SPON2: variants seen among roughly 807,000 people sequenced by gnomAD.
The protein encoded by SPON2 is spondin 2.
In SPON2, 32 loss-of-function variants were observed where a neutral mutation model predicts 29.9. That is an observed-to-expected ratio of 1.07 (90% CI 0.81 to 1.44). The LOEUF is 1.44. SPON2 is among the 40% of genes most tolerant of loss of function. The pLI is 0.00. For synonymous variants in SPON2, 248 were observed against 209.1 expected (o/e 1.19, Z -1.61); for missense variants, 541 against 455.5 (o/e 1.19, Z -1.71).
rs1727428907 is a variant in SPON2, at chr4:1,171,195, G to C, written c.445-5C>G. On this transcript the variant is annotated splice_polypyrimidine_tract_variant and splice_region_variant and intron_variant, in intron 3 of 5. Coordinates refer to ENST00000290902, the MANE Select transcript of SPON2 (RefSeq NM_012445.4). Reference sequence around the variant, plus strand: ...GATGCGCACCACAAACGAGACCTGCGGCGACAGCGGCTCAGCGCGCCTGGC... The same window carrying C: ...GATGCGCACCACAAACGAGACCTGCCGCGACAGCGGCTCAGCGCGCCTGGC... 6.7e-7 allele frequency: 1 copy of C among 1,497,828 alleles called. No homozygotes were observed. Among genetic ancestry groups the C allele is most frequent in the Non-Finnish European group, 8.8e-7 (1 of 1,130,578 alleles). The allele number at this position is 1,497,828 out of a possible 1,614,324, so 92.8% of individuals were successfully genotyped here.
rs1246977163 is a variant in SPON2 at position 1,171,312 on chromosome 4, C to A, written c.395G>T (p.Gly132Val). ...CAGCTCCGCCGACGTCTGCCCGGTG[C>A]CGCTGGGGACGGCGGGCGCCGAAAA... ...AVFSAPAVPS[G>V]TGQTSAELEV... Residue 132 changes from glycine (G) to valine (V), a missense_variant, in exon 3 of 6, where the codon GGC becomes GTC. Physicochemically the swap from Gly to Val is moderately radical, Grantham distance 109. Coordinates refer to ENST00000290902, the MANE Select transcript of SPON2 (RefSeq NM_012445.4). 6.3e-7 allele frequency: 1 copy of A among 1,598,808 alleles called. No individual in the cohort carries two copies.
At chr4:1,170,650 G>A in intron 4 of SPON2, 74 bp from the exon 5 acceptor site, 2 of 1,504,870 alleles carry the variant, frequency 1.3e-6, no homozygotes, top group Non-Finnish European at 1.8e-6. Context: ...GCCTCACTGG[G>A]GCCACTGCCC....
At position 1,194,950 on chromosome 4, in the gene SPON2, T is replaced by TCCAACCC. The variant is rs1728017936; in HGVS notation, c.-239+39_-239+40insGGGTTGG. On this transcript the variant is annotated intron_variant, in intron 1 of 3. Transcript: ENST00000502483. ...AACCCCGCAGCCGGCGGCTCCAACC[T>TCCAACCC]CGCAGCCGGCGACTCCAACCCCGCA... 7.4e-4 allele frequency: 20 copies of TCCAACCC among 27,176 alleles called. 1 individual carries two copies. The highest frequency in any genetic ancestry group is 1.5e-3 in the Non-Finnish European group (19 of 12,622). 1.7% of individuals were successfully genotyped at this position (27,176 alleles called of 1,614,324 possible). A position where few individuals can be genotyped will look rare whatever the true frequency, so the allele number is the denominator to read the frequency against.
At chr4:1,183,151 G>A (rs570284412) in intron 1 of SPON2, among the ~76,000 whole-genome samples, 1 of 147,740 alleles carries the variant, frequency 6.8e-6, no homozygotes, top group African/African-American at 2.5e-5. Context: ...TGAGGCAGGA[G>A]AATCGCTTAG....
upstream of SPON2, among the ~76,000 whole-genome samples, chr4:1,198,727 T>C (rs1728128032): frequency 6.6e-6 from 1 of 152,134 alleles, no homozygotes; most frequent in African/African-American, 2.4e-5. Context: ...GGCAGCGCAG[T>C]CATCAGAGAC....
rs1456588327 is a variant in SPON2, at chr4:1,194,897, C to A, written c.-239+93G>T. ...CCGGCGGCTCCAACGCCACAGCCGGCGACTCCAACCCCGCAGCCGGCGGCT... is the reference window on the plus strand; with the variant it reads ...CCGGCGGCTCCAACGCCACAGCCGGAGACTCCAACCCCGCAGCCGGCGGCT... On this transcript the variant is annotated intron_variant, in intron 1 of 3. Coordinates refer to the SPON2 transcript ENST00000502483. 3 of 131,818 alleles carry A rather than the reference C, an allele frequency of 2.3e-5. 1 individual carries two copies. In the Admixed American group the frequency reaches 2.4e-4, roughly 10 times the overall value. The allele number at this position is 131,818 out of a possible 1,614,324, so 8.2% of individuals were successfully genotyped here. A position where few individuals can be genotyped will look rare whatever the true frequency, so the allele number is the denominator to read the frequency against.
chr4:1,186,028 A>G (rs1253941282), intron 1 of SPON2, among the ~76,000 whole-genome samples: 3 of 150,054 alleles, frequency 2.0e-5, no homozygotes, highest in Admixed American at 6.7e-5. Flanking sequence ...GCGGATCACG[A>G]GGTCAGGAGA....
intron 5 of SPON2, among the ~76,000 whole-genome samples, chr4:1,169,134 C>G (rs968100630): frequency 1.2e-4 from 18 of 152,024 alleles, no homozygotes; most frequent in Admixed American, 1.0e-3. Context: ...GACTTTATCC[C>G]TCTCCTAGCC....
chr4:1,185,708 C>CCAAAAAAAAAAAA (rs764779944), intron 1 of SPON2, among the ~76,000 whole-genome samples: 2 of 69,648 alleles, frequency 2.9e-5, no homozygotes. Context: ...ACTCCATCTC[C>CCAAAAAAAAAAAA]AAAAAAAAAA....
At chr4:1,201,406 T>C (rs2108680581) in intron 1 of SPON2, 1 of 309,964 alleles carries the variant, frequency 3.2e-6, no homozygotes, top group Non-Finnish European at 6.5e-6. Context: ...GTGTTTGTGA[T>C]CAGGGCATCT....
At chr4:1,198,654 G>T (rs547282992), upstream of SPON2, among the ~76,000 whole-genome samples, 151 of 152,076 alleles carry the variant, frequency 9.9e-4, no homozygotes, top group Non-Finnish European at 1.9e-3. Flanking sequence ...ACAGCAAATA[G>T]GACCCAACAC....
At chr4:1,172,150 G>A (rs1281814630) in intron 1 of SPON2, 76 bp from the exon 2 acceptor site, 3 of 1,305,296 alleles carry the variant, frequency 2.3e-6, no homozygotes, top group East Asian at 2.4e-5. Flanking sequence ...AGAGGGCTGC[G>A]GCACTTTGGG....
chr4:1,167,673 G>T lies in SPON2; in HGVS notation c.812-17C>A. The T allele has an allele frequency of 3.2e-6, 5 of 1,566,726 alleles. No individual in the cohort carries two copies. Among genetic ancestry groups the T allele is most frequent in the Non-Finnish European group, 3.5e-6 (4 of 1,153,722 alleles). On this transcript the variant is annotated splice_polypyrimidine_tract_variant and intron_variant, in intron 5 of 5. Coordinates refer to ENST00000290902, the MANE Select transcript of SPON2 (RefSeq NM_012445.4). ...TTTCTGGAACTGGACCAAGCAAAGG[G>T]GAGACCGAGGTGAACGCTCGCGTGA...
rs150653050 is a variant in SPON2 at position 1,171,853 on chromosome 4, C to G, written c.219G>C (p.Leu73=). The change falls in exon 2 of 6, where the codon CTG becomes CTC. Residue 73 remains leucine (L), a splice_region_variant and synonymous_variant. Transcript: ENST00000290902. ...AGGCGAGGAGGGGGCTGTACTTACC[C>G]AGCAGCGAAGACCACTGCGCAGGGG... ...FRPPAQWSSL[L]GAAHSSDYSM... is the part of the protein sequence containing the mutation. 1 of 1,610,460 alleles carries G rather than the reference C, an allele frequency of 6.2e-7. No homozygotes were observed. The highest frequency in any genetic ancestry group is 8.5e-7 in the Non-Finnish European group (1 of 1,177,820).
intron 5 of SPON2, among the ~76,000 whole-genome samples, chr4:1,168,952 T>G (rs1285610898): frequency 1.3e-5 from 2 of 152,176 alleles, no homozygotes; most frequent in Non-Finnish European, 2.9e-5. Context: ...GAGAGACCCT[T>G]GTGGGCGGTG....
intron 1 of SPON2, among the ~76,000 whole-genome samples, chr4:1,204,187 AT>A (rs1382997459): frequency 6.6e-6 from 1 of 152,156 alleles, no homozygotes; most frequent in African/African-American, 2.4e-5. Flanking sequence ...CAGTTTGCCC[AT>A]TTTTTAACTA....
chr4:1,186,116 C>A (rs377459262), intron 1 of SPON2, among the ~76,000 whole-genome samples: 2 of 149,986 alleles, frequency 1.3e-5, no homozygotes, highest in Non-Finnish European at 3.0e-5. Flanking sequence ...TGGTGGTGGG[C>A]GCCTGTAGTC....
At chr4:1,185,708 C>CAAAAAAAGAAAA (rs1727779800) in intron 1 of SPON2, among the ~76,000 whole-genome samples, 1 of 69,648 alleles carries the variant, frequency 1.4e-5, no homozygotes, top group African/African-American at 4.7e-5. Flanking sequence ...ACTCCATCTC[C>CAAAAAAAGAAAA]AAAAAAAAAA....
intron 1 of SPON2, chr4:1,200,631 G>C (rs1003519919): frequency 2.8e-6 from 1 of 355,352 alleles, no homozygotes; most frequent in South Asian, 2.1e-5. Flanking sequence ...CATCAGCACC[G>C]GCCCCATCTC....
Sources: gnomAD v4.1 joint callset for allele counts (sites outside exome capture counted in the v4.1 genomes callset) on GRCh38, gnomAD v4.1.1 for gene constraint, MANE v1.5 for transcripts, NCBI Gene and HGNC (gene_info 2026-07-23, HGNC 2026-07-21) for gene names.